ZNF749: variants seen among roughly 807,000 people sequenced by gnomAD.
ZNF749 encodes zinc finger protein 749.
A neutral mutation model predicts 7.3 loss-of-function variants in ZNF749; 8 were observed. The observed-to-expected ratio is 1.10, with a 90% CI of 0.64 to 1.98. The LOEUF (loss-of-function observed/expected upper bound fraction) is 1.98, where lower values mean the gene tolerates loss of function less well. Among genes scored for constraint, ZNF749 ranks in the 30% most tolerant of loss-of-function variants. The probability of loss-of-function intolerance (pLI) is 0.00; values close to 1 mark genes in which losing one functional copy is unlikely to be tolerated. For synonymous variants in ZNF749, 310 were observed against 322.4 expected (o/e 0.96, Z 0.41); for missense variants, 898 against 932.4 (o/e 0.96, Z 0.48).
upstream of ZNF749, among the ~76,000 whole-genome samples, chr19:57,433,111 AGTGTGTGTGTGT>A (rs71186260): frequency 0.04 from 5,696 of 143,486 alleles, 166 homozygotes; most frequent in Non-Finnish European, 0.062. Flanking sequence ...AGTCTTGAGG[AGTGTGTGTGTGT>A]GTGTGTGTGT....
chr19:57,435,784 G>A, intron 1 of ZNF749, 191 bp downstream of exon 1: 1 of 1,189,948 alleles, frequency 8.4e-7, no homozygotes, highest in Non-Finnish European at 1.1e-6. Flanking sequence ...TCTGGGGCTT[G>A]GAGGCACTGC....
upstream of ZNF749, among the ~76,000 whole-genome samples, chr19:57,432,362 G>A (rs1307934464): frequency 6.6e-6 from 1 of 150,850 alleles, no homozygotes; most frequent in African/African-American, 2.4e-5. Flanking sequence ...GATCACCTGA[G>A]GTCAGGAGTT....
chr19:57,444,062 A>G lies in ZNF749; in HGVS notation c.914A>G (p.Lys305Arg), dbSNP rs2089026322. The G allele has an allele frequency of 6.2e-7, 1 of 1,613,906 alleles. No homozygotes were observed. Among genetic ancestry groups the G allele is most frequent in the African/African-American group, 1.3e-5 (1 of 74,932 alleles). ...PTPYECTQCGKAFLTQAHLVG... is the reference protein window; with the variant it reads ...PTPYECTQCGRAFLTQAHLVG... Reference sequence around the variant, plus strand: ...CCTTATGAATGCACCCAGTGTGGGAAGGCCTTTCTTACACAGGCTCATCTG... The same window carrying G: ...CCTTATGAATGCACCCAGTGTGGGAGGGCCTTTCTTACACAGGCTCATCTG... Residue 305 changes from lysine (K) to arginine (R), a missense_variant, in exon 3 of 3, where the codon AAG (lysine) becomes AGG (arginine). By Grantham distance (26) the Lys-to-Arg change is conservative. Transcript: ENST00000334181.
chr19:57,435,725 G>C, intron 1 of ZNF749, 132 bp downstream of exon 1: 1 of 1,460,808 alleles, frequency 6.8e-7, no homozygotes, highest in Non-Finnish European at 9.1e-7. Context: ...CCGGGACTGG[G>C]ACTGCGGTGC....
In ZNF749 at chr19:57,443,619, T is replaced by C; in HGVS notation, c.471T>C (p.Gly157=). The C allele has an allele frequency of 6.2e-7, 1 of 1,614,180 alleles. No individual in the cohort carries two copies. Among genetic ancestry groups the C allele is most frequent in the South Asian group, 1.1e-5 (1 of 91,090 alleles). ...VGERNFTCTQ[G]GKDFTASSDL... ...AGAGGAACTTCACATGCACGCAGGGTGGCAAGGATTTTACTGCCAGCTCAG... is the reference window on the plus strand; with the variant it reads ...AGAGGAACTTCACATGCACGCAGGGCGGCAAGGATTTTACTGCCAGCTCAG... The change falls in exon 3 of 3, where the codon GGT becomes GGC. Residue 157 remains glycine, a synonymous_variant. Coordinates refer to ENST00000334181, the MANE Select transcript of ZNF749 (RefSeq NM_001023561.4).
rs150633265 is a variant in ZNF749, at chr19:57,435,603, G to A, written c.15+10G>A. On this transcript the variant is annotated intron_variant, in intron 1 of 2. Transcript: ENST00000334181. ...GATGAACCTGACCGAGGTGCGTGCA[G>A]CGTCCCAGGCCGCCCCGCCCAACCC... 360 of 1,604,450 alleles carry A rather than the reference G, an allele frequency of 2.2e-4. 1 individual carries two copies. In the African/African-American group the frequency reaches 4.4e-3, roughly 20 times the overall value.
At chr19:57,435,128 G>T (rs2088920250), upstream of ZNF749, among the ~76,000 whole-genome samples, 1 of 152,154 alleles carries the variant, frequency 6.6e-6, no homozygotes, top group Admixed American at 6.5e-5. Context: ...GCTTTTTTCC[G>T]TAAGGTCCGC....
chr19:57,445,355 G>A lies in ZNF749; in HGVS notation c.2207G>A (p.Cys736Tyr). ...GAATGTGGGAAAGACTTCAACAAAT[G>A]TAATACTGGTCAGCGCCAAAAAACT... is the stretch of plus-strand genomic sequence containing the variant. ...LRECGKDFNK[C>Y]NTGQRQKTHT... Residue 736 changes from cysteine (C) to tyrosine (Y), a missense_variant, in exon 3 of 3, where the codon TGT (cysteine) becomes TAT (tyrosine). Physicochemically the swap from Cys to Tyr is radical, Grantham distance 194. Coordinates refer to ENST00000334181, the MANE Select transcript of ZNF749 (RefSeq NM_001023561.4). 2 of 1,613,812 alleles carry A rather than the reference G, an allele frequency of 1.2e-6. No homozygotes were observed. Among genetic ancestry groups the A allele is most frequent in the Non-Finnish European group, 1.7e-6 (2 of 1,179,832 alleles).
upstream of ZNF749, among the ~76,000 whole-genome samples, chr19:57,434,950 T>A (rs1199769634): frequency 6.6e-6 from 1 of 152,260 alleles, no homozygotes; most frequent in Non-Finnish European, 1.5e-5. Flanking sequence ...CGGGACTTGC[T>A]GTGCTTCAGA....
intron 1 of ZNF749, among the ~76,000 whole-genome samples, chr19:57,440,747 A>C (rs2088979243): frequency 1.3e-5 from 2 of 152,208 alleles, no homozygotes; most frequent in South Asian, 4.2e-4. Context: ...CAGCCCTGGC[A>C]ATGGGCACGT....
At chr19:57,429,721 A>G in the ZNF749 span, among the ~76,000 whole-genome samples, 3 of 151,882 alleles carry the variant, frequency 2.0e-5, no homozygotes, top group Non-Finnish European at 4.4e-5. This position sits in a 1 kb window ranked among gnomAD's most constrained non-coding sequence, Gnocchi z 4.2. Context: ...GTGTAATCTC[A>G]GCTTACCACA....
rs1460829421 is a variant in ZNF749 at position 57,442,900 on chromosome 19, T to C, written c.143-391T>C. On this transcript the variant is annotated intron_variant, in intron 2 of 2. Coordinates refer to ENST00000334181, the MANE Select transcript of ZNF749 (RefSeq NM_001023561.4). This position sits in a 1 kb window ranked among gnomAD's most constrained non-coding sequence, Gnocchi z 6.6. ...CCACCTCTCCCTTTGCAGTGCTGTC[T>C]AATGTATGACCTGTACTTTAGGTGT... 6.6e-6 allele frequency among the ~76,000 whole-genome samples: 1 copy of C among 152,188 alleles called. No individual in the cohort carries two copies. Among genetic ancestry groups the C allele is most frequent in the Non-Finnish European group, 1.5e-5 (1 of 68,034 alleles).
At position 57,439,715 on chromosome 19, in the gene ZNF749, C is replaced by T. The variant is rs190436581; in HGVS notation, c.16-2170C>T. 5.9e-4 allele frequency among the ~76,000 whole-genome samples: 90 copies of T among 152,094 alleles called. No individual in the cohort carries two copies. The highest frequency in any genetic ancestry group is 2.8e-3 in the Admixed American group (42 of 15,270). On this transcript the variant is annotated intron_variant, in intron 1 of 2. Coordinates refer to ENST00000334181, the MANE Select transcript of ZNF749 (RefSeq NM_001023561.4). This position sits in a 1 kb window ranked among gnomAD's most constrained non-coding sequence, Gnocchi z 4.3. ...AAGGCTGCAGTGAGCCATGATTGTGCCCCTGCACTCCAGCCTGGGCAACAG... is the reference window on the plus strand; with the variant it reads ...AAGGCTGCAGTGAGCCATGATTGTGTCCCTGCACTCCAGCCTGGGCAACAG...
At position 57,445,631 on chromosome 19, in the gene ZNF749, C is replaced by T. The variant is rs942151093; in HGVS notation, c.*146C>T. ...TGCGAGGATTTCCTGCTGGGAACTA[C>T]ATTAAAAACATTTATGTCCAGGCGT... On this transcript the variant is annotated 3_prime_UTR_variant, in exon 3 of 3. Transcript: ENST00000334181. 7 of 1,356,598 alleles carry T rather than the reference C, an allele frequency of 5.2e-6. No individual in the cohort carries two copies. In the African/African-American group the frequency reaches 1.0e-4, roughly 20 times the overall value. The allele number at this position is 1,356,598 out of a possible 1,614,324, so 84.0% of individuals were successfully genotyped here. A position where few individuals can be genotyped will look rare whatever the true frequency, so the allele number is the denominator to read the frequency against.
In ZNF749 at chr19:57,439,122, C is replaced by G. The variant is rs2088963425; in HGVS notation, c.16-2763C>G. On this transcript the variant is annotated intron_variant, in intron 1 of 2. Transcript: ENST00000334181. This position sits in a 1 kb window ranked among gnomAD's most constrained non-coding sequence, Gnocchi z 4.3. Reference sequence around the variant, plus strand: ...ACCTGACCCAGGTTTTAGTGGCTCCCTCTGCCTGCAGAATGGAAGACCACG... The same window carrying G: ...ACCTGACCCAGGTTTTAGTGGCTCCGTCTGCCTGCAGAATGGAAGACCACG... Among the ~76,000 whole-genome samples the G allele has an allele frequency of 1.3e-5, 2 of 152,128 alleles. No homozygotes were observed. Among genetic ancestry groups the G allele is most frequent in the African/African-American group, 4.8e-5 (2 of 41,438 alleles).
In ZNF749 at chr19:57,443,961, G is replaced by C; in HGVS notation, c.813G>C (p.Gln271His). Reference sequence around the variant, plus strand: ...GAAAGTCCAACCTAGTTCAGCACCAGAAAATTCACAGTGAAGGCTTTCTTT... The same window carrying C: ...GAAAGTCCAACCTAGTTCAGCACCACAAAATTCACAGTGAAGGCTTTCTTT... Reference protein sequence around the residue: ...FIRKSNLVQHQKIHSEGFLSK... With the variant: ...FIRKSNLVQHHKIHSEGFLSK... The change falls in exon 3 of 3, where the codon CAG (glutamine) becomes CAC (histidine). Residue 271 changes from glutamine to histidine, a missense_variant. Physicochemically the swap from Gln to His is conservative, Grantham distance 24. Transcript: ENST00000334181. 1 of 1,613,970 alleles carries C rather than the reference G, an allele frequency of 6.2e-7. No individual in the cohort carries two copies. The highest frequency in any genetic ancestry group is 8.5e-7 in the Non-Finnish European group (1 of 1,179,870).
At chr19:57,440,304 G>A (rs1422512628) in intron 1 of ZNF749, among the ~76,000 whole-genome samples, 4 of 152,030 alleles carry the variant, frequency 2.6e-5, no homozygotes, top group Non-Finnish European at 4.4e-5. Flanking sequence ...CAGTGTATCT[G>A]GGCTTTGGAT....
chr19:57,441,153 C>T (rs916547930), intron 1 of ZNF749, among the ~76,000 whole-genome samples: 5 of 151,164 alleles, frequency 3.3e-5, no homozygotes, highest in African/African-American at 1.2e-4. Flanking sequence ...GTAGGGCGCC[C>T]TGGGCTAGGC....
chr19:57,441,263 T>TGTGGA (rs1337176449), intron 1 of ZNF749, among the ~76,000 whole-genome samples: 3 of 151,948 alleles, frequency 2.0e-5, no homozygotes, highest in Non-Finnish European at 4.4e-5. Context: ...GCTACCAGGA[T>TGTGGA]GTGGAGTCTC....
Sources: gnomAD v4.1 joint callset for allele counts (sites outside exome capture counted in the v4.1 genomes callset) on GRCh38, gnomAD v4.1.1 for gene constraint, Gnocchi (gnomAD v3.1) non-coding constraint, MANE v1.5 for transcripts, NCBI Gene and HGNC (gene_info 2026-07-23, HGNC 2026-07-21) for gene names.